Variants in TMEM170A observed in about 807,000 individuals in gnomAD.
TMEM170A encodes transmembrane protein 170A, also known as transmembrane protein 170.
Under a neutral mutation model 12.8 loss-of-function variants are expected in TMEM170A, and 18 were observed. That is an observed-to-expected ratio of 1.41 (90% CI 0.97 to 2.09). The LOEUF is 2.09. TMEM170A is among the 30% of genes most tolerant of loss of function. The probability of loss-of-function intolerance (pLI) is 0.00; values close to 1 mark genes in which losing one functional copy is unlikely to be tolerated. For synonymous variants in TMEM170A, 107 were observed against 76.2 expected, an observed-to-expected ratio of 1.40 and a Z score of -2.11; for missense variants, 220 against 179.9, an observed-to-expected ratio of 1.22 and a Z score of -1.28.
chr16:75,462,989 A>C (rs1486164544), intron 1 of TMEM170A, among the ~76,000 whole-genome samples: 2 of 152,134 alleles, frequency 1.3e-5, no homozygotes, highest in East Asian at 3.9e-4. Context: ...CTCGAGTTGA[A>C]ATGGGACATG....
chr16:75,461,470 T>A (rs1349662537), intron 1 of TMEM170A, among the ~76,000 whole-genome samples: 1 of 152,238 alleles, frequency 6.6e-6, no homozygotes, highest in Non-Finnish European at 1.5e-5. Flanking sequence ...TATGTCAGAA[T>A]ACTTCAGAAC....
rs1421014267 is a variant in TMEM170A at position 75,464,626 on chromosome 16, T to C, written c.-26A>G. On this transcript the variant is annotated 5_prime_UTR_variant, in exon 1 of 3. Coordinates refer to ENST00000561878, the MANE Select transcript of TMEM170A (RefSeq NM_145254.3). ...CCCGTCGCCATTCACCACAGAGAAA[T>C]GAGGGACGAGCGCCCGAAGTGCGGT... is the stretch of plus-strand genomic sequence containing the variant. The C allele has an allele frequency of 6.4e-7, 1 of 1,562,800 alleles. No individual in the cohort carries two copies. Among genetic ancestry groups the C allele is most frequent in the Non-Finnish European group, 8.6e-7 (1 of 1,159,356 alleles).
At position 75,451,842 on chromosome 16, in the gene TMEM170A, A is replaced by G. The variant is rs753085375; in HGVS notation, c.134-3T>C. On this transcript the variant is annotated splice_region_variant and splice_polypyrimidine_tract_variant and intron_variant, in intron 1 of 2. Coordinates refer to ENST00000561878, the MANE Select transcript of TMEM170A (RefSeq NM_145254.3). ...CAGGAATACACCATACCACATCTCT[A>G]TGAGGGAAGACAAAGAAAAGTTGTG... The G allele has an allele frequency of 1.9e-6, 3 of 1,605,796 alleles. No homozygotes were observed. Among genetic ancestry groups the G allele is most frequent in the East Asian group, 4.5e-5 (2 of 44,656 alleles).
intron 1 of TMEM170A, among the ~76,000 whole-genome samples, chr16:75,462,136 A>T (rs1844802581): frequency 6.6e-6 from 1 of 152,202 alleles, no homozygotes; most frequent in Non-Finnish European, 1.5e-5. Context: ...GGATGCAGAT[A>T]CCCTTACAGT....
At chr16:75,448,898 C>CA (rs1165697084) in intron 2 of TMEM170A, among the ~76,000 whole-genome samples, 1 of 151,642 alleles carries the variant, frequency 6.6e-6, no homozygotes, top group African/African-American at 2.4e-5. Flanking sequence ...CTTGTCTTTA[C>CA]AAAAAATACA....
At chr16:75,461,280 C>G (rs765451340) in intron 1 of TMEM170A, among the ~76,000 whole-genome samples, 1 of 151,822 alleles carries the variant, frequency 6.6e-6, no homozygotes, top group Non-Finnish European at 1.5e-5. Context: ...TCTTGAACTC[C>G]TGACCTTAGA....
At chr16:75,448,413 G>A (rs1190096320) in intron 2 of TMEM170A, among the ~76,000 whole-genome samples, 3 of 152,192 alleles carry the variant, frequency 2.0e-5, no homozygotes, top group African/African-American at 7.2e-5. Context: ...TACTATACGA[G>A]TTCAGCATTA....
At chr16:75,460,889 C>G (rs1282332289) in intron 1 of TMEM170A, among the ~76,000 whole-genome samples, 2 of 152,138 alleles carry the variant, frequency 1.3e-5, no homozygotes, top group African/African-American at 4.8e-5. Flanking sequence ...TTAATTATCA[C>G]TAGATCTAAT....
intron 2 of TMEM170A, among the ~76,000 whole-genome samples, chr16:75,448,334 A>C (rs1376318981): frequency 6.6e-6 from 1 of 152,200 alleles, no homozygotes; most frequent in African/African-American, 2.4e-5. Context: ...TACGCTAGTC[A>C]CTATAATTTC....
At chr16:75,463,922 C>G (rs967638419) in intron 1 of TMEM170A, among the ~76,000 whole-genome samples, 2 of 152,234 alleles carry the variant, frequency 1.3e-5, no homozygotes, top group African/African-American at 4.8e-5. Flanking sequence ...GGGAAAGATT[C>G]CTAGAAAGCG....
rs772732577 is a variant in TMEM170A at position 75,464,591 on chromosome 16, C to A, written c.10G>T (p.Glu4Ter). The A allele has an allele frequency of 6.3e-7, 1 of 1,585,648 alleles. No homozygotes were observed. Among genetic ancestry groups the A allele is most frequent in the South Asian group, 1.1e-5 (1 of 88,132 alleles). Residue 4 changes from glutamate (E) to a stop codon, truncating the protein, a stop_gained, in exon 1 of 3, where the codon GAG becomes TAG. Coordinates refer to ENST00000561878, the MANE Select transcript of TMEM170A (RefSeq NM_145254.3). LOFTEE classifies it high-confidence loss of function. MER[E>*]GSGGSGGSAG... ...GACCCGCCGCTGCCGCCGCTCCCCT[C>A]GCGCTCCATCCCGTCGCCATTCACC... is the stretch of plus-strand genomic sequence containing the variant.
At chr16:75,460,197 G>T (rs2079877879) in intron 1 of TMEM170A, among the ~76,000 whole-genome samples, 1 of 151,598 alleles carries the variant, frequency 6.6e-6, no homozygotes, top group Non-Finnish European at 1.5e-5. Context: ...TGCAAAGCCG[G>T]TAAGTTTCTT....
rs1266142583 is a variant in TMEM170A, at chr16:75,464,620, G to A, written c.-20C>T. 6.4e-7 allele frequency: 1 copy of A among 1,570,230 alleles called. No individual in the cohort carries two copies. Among genetic ancestry groups the A allele is most frequent in the Non-Finnish European group, 8.6e-7 (1 of 1,162,406 alleles). On this transcript the variant is annotated 5_prime_UTR_variant, in exon 1 of 3. Transcript: ENST00000561878. ...CTCCATCCCGTCGCCATTCACCACA[G>A]AGAAATGAGGGACGAGCGCCCGAAG... is the stretch of plus-strand genomic sequence containing the variant.
In TMEM170A at chr16:75,444,458, A is replaced by G. The variant is rs186162331; in HGVS notation, c.*3100T>C. 2.0e-5 allele frequency: 3 copies of G among 152,352 alleles called. No individual in the cohort carries two copies. Among genetic ancestry groups the G allele is most frequent in the Admixed American group, 2.0e-4 (3 of 15,292 alleles). The allele number at this position is 152,352 out of a possible 1,614,324, so 9.4% of individuals were successfully genotyped here. On this transcript the variant is annotated 3_prime_UTR_variant, in exon 3 of 3. Coordinates refer to ENST00000561878, the MANE Select transcript of TMEM170A (RefSeq NM_145254.3). ...GCGACAGAGCAAGACTCCGTCTCAAAACAAAAAAACCAAAAAACCAAAGCA... is the reference window on the plus strand; with the variant it reads ...GCGACAGAGCAAGACTCCGTCTCAAGACAAAAAAACCAAAAAACCAAAGCA...
chr16:75,452,258 C>A lies in TMEM170A; in HGVS notation c.134-419G>T, dbSNP rs1439026581. Among the ~76,000 whole-genome samples the A allele has an allele frequency of 2.0e-5, 3 of 151,888 alleles. No homozygotes were observed. The East Asian group carries it at 5.8e-4, about 30-fold the overall frequency. ...GTGCTGGGATTACAGGCGTGAGCCA[C>A]CGCGCCCAGTCAAAAATTTTTATTT... is the stretch of plus-strand genomic sequence containing the variant. On this transcript the variant is annotated intron_variant, in intron 1 of 2. Coordinates refer to ENST00000561878, the MANE Select transcript of TMEM170A (RefSeq NM_145254.3).
chr16:75,456,605 C>T lies in TMEM170A; in HGVS notation c.134-4766G>A, dbSNP rs747652483. Among the ~76,000 whole-genome samples, 4 of 152,204 alleles carry T rather than the reference C, an allele frequency of 2.6e-5. No homozygotes were observed. The South Asian group carries it at 6.2e-4, about 24-fold the overall frequency. On this transcript the variant is annotated intron_variant, in intron 1 of 2. Coordinates refer to ENST00000561878, the MANE Select transcript of TMEM170A (RefSeq NM_145254.3). ...TCTTCCACAACAAACCCATATCCTCCTGCAGTTTCTCTTCTAGCCGCCATT... is the reference window on the plus strand; with the variant it reads ...TCTTCCACAACAAACCCATATCCTCTTGCAGTTTCTCTTCTAGCCGCCATT...
At chr16:75,457,827 G>A (rs2079826860) in intron 1 of TMEM170A, among the ~76,000 whole-genome samples, 1 of 152,116 alleles carries the variant, frequency 6.6e-6, no homozygotes. Flanking sequence ...ACAACCCTGA[G>A]CCACATCCAT....
Position 75,451,789 on chromosome 16 carries a change from G to C in TMEM170A, c.184C>G (p.His62Asp). The C allele has an allele frequency of 3.1e-6, 5 of 1,614,062 alleles. No individual in the cohort carries two copies. The highest frequency in any genetic ancestry group is 4.2e-6 in the Non-Finnish European group (5 of 1,179,998). Reference sequence around the variant, plus strand: ...AGGGCCAGTAATCCAGCAGGGACATGAAAGAAGAGAGAAGACACCAGTGCC... The same window carrying C: ...AGGGCCAGTAATCCAGCAGGGACATCAAAGAAGAGAGAAGACACCAGTGCC... ...LWALVSSLFF[H>D]VPAGLLALFT... The change falls in exon 2 of 3, where the codon CAT becomes GAT. Residue 62 changes from histidine (H) to aspartate (D), a missense_variant. His to Asp is a moderately conservative substitution (Grantham distance 81, BLOSUM62 -1). Transcript: ENST00000561878.
chr16:75,460,164 TG>T (rs1291786357), intron 1 of TMEM170A: 5 of 152,286 alleles, frequency 3.3e-5, no homozygotes, highest in African/African-American at 1.2e-4. Context: ...TCTGTCCTGA[TG>T]GGGCCTTCCA....
Sources: allele counts gnomAD v4.1 joint callset (sites outside exome capture counted in the v4.1 genomes callset), GRCh38; gene constraint gnomAD v4.1.1; transcripts MANE v1.5; gene names NCBI Gene and HGNC (gene_info 2026-07-23, HGNC 2026-07-21).